Variants in C10orf90 observed in about 807,000 individuals in gnomAD.
C10orf90 encodes the protein (E2-independent) E3 ubiquitin-conjugating enzyme FATS.
C10orf90 carries 56 observed loss-of-function variants against 62.5 expected under a neutral mutation model. The ratio of observed to expected loss-of-function variants is 0.90; its 90% confidence interval spans 0.72 to 1.12. C10orf90 has a LOEUF of 1.12. Ranked by LOEUF, C10orf90 falls within the 50% of genes most tolerant of loss-of-function variation. The pLI is 0.00. For synonymous variants in C10orf90, 386 were observed against 340.4 expected, an observed-to-expected ratio of 1.13 and a Z score of -1.47; for missense variants, 970 against 880.4, an observed-to-expected ratio of 1.10 and a Z score of -1.29.
intron 4 of C10orf90, among the ~76,000 whole-genome samples, chr10:126,485,201 A>C (rs1056901428): frequency 6.6e-6 from 1 of 152,320 alleles, no homozygotes; most frequent in Middle Eastern, 3.4e-3. Context: ...ATGTGAGGAC[A>C]CGACAAAAAC....
chr10:126,555,348 A>G (rs1864737998), intron 2 of C10orf90, among the ~76,000 whole-genome samples: 1 of 152,124 alleles, frequency 6.6e-6, no homozygotes, highest in Non-Finnish European at 1.5e-5. Flanking sequence ...AGAGGTTGAT[A>G]TATTAATTTA....
At chr10:126,573,126 C>T (rs944074461) in intron 2 of C10orf90, among the ~76,000 whole-genome samples, 1 of 152,156 alleles carries the variant, frequency 6.6e-6, no homozygotes. Context: ...CCGAGCTCCC[C>T]AAGTGAGCAA....
At chr10:126,442,674 T>G (rs1858471843) in intron 7 of C10orf90, among the ~76,000 whole-genome samples, 1 of 99,972 alleles carries the variant, frequency 1.0e-5, no homozygotes. Context: ...TATATATATA[T>G]ATAGAACATT....
intron 4 of C10orf90, among the ~76,000 whole-genome samples, chr10:126,497,489 G>A (rs551893335): frequency 3.0e-4 from 45 of 152,294 alleles, no homozygotes; most frequent in African/African-American, 1.1e-3. Context: ...CAGAGAAGCT[G>A]GCTTGTCTGA....
chr10:126,455,358 G>A (rs1350166193), intron 7 of C10orf90, among the ~76,000 whole-genome samples: 2 of 152,078 alleles, frequency 1.3e-5, no homozygotes, highest in African/African-American at 2.4e-5. Flanking sequence ...CCCCATGTTG[G>A]GAACGTTCCT....
chr10:126,525,793 G>A (rs1188469620), intron 2 of C10orf90, among the ~76,000 whole-genome samples: 1 of 149,610 alleles, frequency 6.7e-6, no homozygotes, highest in Non-Finnish European at 1.5e-5. Context: ...CAGACAATTA[G>A]AACAAGGTTG....
chr10:126,566,731 C>A (rs1416615872), intron 2 of C10orf90, among the ~76,000 whole-genome samples: 1 of 152,088 alleles, frequency 6.6e-6, no homozygotes, highest in African/African-American at 2.4e-5. Flanking sequence ...CAGGTGCTGA[C>A]CTTTTAGGAA....
In C10orf90 at chr10:126,670,229, G is replaced by A. The variant is rs1013749972; in HGVS notation, c.240+12C>T. On this transcript the variant is annotated intron_variant, in intron 1 of 9. Transcript: ENST00000488181. ...AGCGTGTACCCACTCACCCACCCAG[G>A]CTCAGCCATACCTCATATCTGCTGG... 1.1e-5 allele frequency: 5 copies of A among 456,288 alleles called. No individual in the cohort carries two copies. Among genetic ancestry groups the A allele is most frequent in the African/African-American group, 1.0e-4 (5 of 50,038 alleles). 28.3% of individuals were successfully genotyped at this position (456,288 alleles called of 1,614,324 possible). A position where few individuals can be genotyped will look rare whatever the true frequency, so the allele number is the denominator to read the frequency against.
chr10:126,499,217 A>G (rs113205326), intron 4 of C10orf90, among the ~76,000 whole-genome samples: 1 of 152,330 alleles, frequency 6.6e-6, no homozygotes, highest in African/African-American at 2.4e-5. Context: ...AGCCCCAGAC[A>G]GAACAGTTAA....
At chr10:126,634,351 T>C (rs1409124973) in intron 2 of C10orf90, among the ~76,000 whole-genome samples, 2 of 152,132 alleles carry the variant, frequency 1.3e-5, no homozygotes, top group East Asian at 1.9e-4. Context: ...TTATGCTAAG[T>C]GAACAAAGCC....
chr10:126,521,516 T>C, intron 2 of C10orf90: 1 of 1,358,024 alleles, frequency 7.4e-7, no homozygotes, highest in East Asian at 2.7e-5. Flanking sequence ...CCGGAATGTT[T>C]ACAGGGCAAC....
intron 2 of C10orf90, among the ~76,000 whole-genome samples, chr10:126,643,392 C>G (rs1846103884): frequency 6.6e-6 from 1 of 152,162 alleles, no homozygotes. Context: ...ACAGAAGGAC[C>G]TCTGTGGCCC....
At chr10:126,521,034 G>A (rs1345799439) in intron 2 of C10orf90, among the ~76,000 whole-genome samples, 5 of 152,182 alleles carry the variant, frequency 3.3e-5, no homozygotes, top group Non-Finnish European at 5.9e-5. Flanking sequence ...GGCCTGGAAC[G>A]TATCTTTTTC....
chr10:126,550,595 C>T (rs988194910), intron 2 of C10orf90, among the ~76,000 whole-genome samples: 18 of 152,030 alleles, frequency 1.2e-4, no homozygotes, highest in Admixed American at 2.0e-4. Flanking sequence ...CTGCAACCTC[C>T]GCCTCCTGGG....
intron 1 of C10orf90, among the ~76,000 whole-genome samples, chr10:126,661,666 CTCTCT>C (rs1170654401): frequency 2.7e-5 from 4 of 145,748 alleles, no homozygotes; most frequent in Admixed American, 6.8e-5. Context: ...CTTGCTCTCT[CTCTCT>C]TTTTTTTTTT....
chr10:126,527,310 A>C (rs1863978355), intron 2 of C10orf90, among the ~76,000 whole-genome samples: 1 of 152,170 alleles, frequency 6.6e-6, no homozygotes, highest in Non-Finnish European at 1.5e-5. Context: ...CCTAATGGCT[A>C]ATGATGTGGA....
intron 2 of C10orf90, among the ~76,000 whole-genome samples, chr10:126,625,162 G>A (rs1349012534): frequency 6.6e-6 from 1 of 152,080 alleles, no homozygotes; most frequent in Non-Finnish European, 1.5e-5. Flanking sequence ...AGACACTCAC[G>A]TGCCATTTCC....
chr10:126,548,281 G>A (rs1265543386), intron 2 of C10orf90, among the ~76,000 whole-genome samples: 2 of 152,082 alleles, frequency 1.3e-5, no homozygotes, highest in Admixed American at 6.5e-5. Flanking sequence ...AGTGGCTCGT[G>A]CCTGTAATCC....
At chr10:126,609,742 G>A (rs931340441) in intron 2 of C10orf90, among the ~76,000 whole-genome samples, 2 of 152,224 alleles carry the variant, frequency 1.3e-5, no homozygotes, top group Non-Finnish European at 2.9e-5. Flanking sequence ...GGAGGCAAGG[G>A]AGCCAGCCAG....
Sources: allele counts gnomAD v4.1 joint callset (sites outside exome capture counted in the v4.1 genomes callset), GRCh38; gene constraint gnomAD v4.1.1; transcripts MANE v1.5; gene names NCBI Gene and HGNC (gene_info 2026-07-23, HGNC 2026-07-21).